SLC9A2: variants seen among roughly 807,000 people sequenced by gnomAD.
SLC9A2 encodes the protein solute carrier family 9 member A2.
In SLC9A2, 42 loss-of-function variants were observed where a neutral mutation model predicts 71.7. That is an observed-to-expected ratio of 0.59 (90% CI 0.46 to 0.76). The LOEUF is 0.76. Ranked by LOEUF, SLC9A2 falls within the 30% of genes least tolerant of loss-of-function variation. The probability of loss-of-function intolerance (pLI) is 0.00; values close to 1 mark genes in which losing one functional copy is unlikely to be tolerated. For missense variants in SLC9A2, 829 were observed against 1,017.4 expected (o/e 0.81, Z 2.52); for synonymous variants, 396 against 392.5 (o/e 1.01, Z -0.10).
At position 102,637,487 on chromosome 2, in the gene SLC9A2, A is replaced by G. The variant is rs576252533; in HGVS notation, c.289+17350A>G. The stretch of plus-strand genomic sequence containing the variant: ...CTGTCCAGTGGGTGTGGTGTGGGTT[A>G]CAGAAAGAATATAATGCAGGCAGTG... On this transcript the variant is annotated intron_variant, in intron 1 of 11. Coordinates refer to ENST00000233969, the MANE Select transcript of SLC9A2 (RefSeq NM_003048.6). Among the ~76,000 whole-genome samples the G allele has an allele frequency of 5.3e-5, 8 of 152,302 alleles. No homozygotes were observed. The South Asian group carries it at 1.5e-3, about 28-fold the overall frequency.
rs1170640763 is a variant in SLC9A2, at chr2:102,664,452, C to CAT, written c.754-647_754-646insTA. ...TATGAAGTTTCAGCAGATGCACACA[C>CAT]ACACACACACACACACACACACACA... On this transcript the variant is annotated intron_variant, in intron 2 of 11. Transcript: ENST00000233969. Among the ~76,000 whole-genome samples, 9 of 148,798 alleles carry CAT rather than the reference C, an allele frequency of 6.0e-5. No individual in the cohort carries two copies. In the East Asian group the frequency reaches 1.6e-3, roughly 26 times the overall value.
intron 3 of SLC9A2, among the ~76,000 whole-genome samples, chr2:102,666,528 A>G (rs1677146432): frequency 6.6e-6 from 1 of 152,190 alleles, no homozygotes; most frequent in African/African-American, 2.4e-5. Context: ...ATGCAGGATT[A>G]TAAAGCAGGA....
intron 1 of SLC9A2, among the ~76,000 whole-genome samples, chr2:102,651,966 GA>G (rs1676844092): frequency 6.6e-6 from 1 of 151,910 alleles, no homozygotes; most frequent in African/African-American, 2.4e-5. Flanking sequence ...TTATATGTAG[GA>G]GTTCTTTTTT....
At chr2:102,675,834 T>A (rs1677337271) in intron 3 of SLC9A2, among the ~76,000 whole-genome samples, 2 of 152,200 alleles carry the variant, frequency 1.3e-5, no homozygotes, top group Non-Finnish European at 2.9e-5. Flanking sequence ...AAATTTCAGC[T>A]TTTTTCTCAT....
intron 1 of SLC9A2, among the ~76,000 whole-genome samples, chr2:102,650,100 A>C (rs921928644): frequency 1.3e-5 from 2 of 152,242 alleles, no homozygotes; most frequent in East Asian, 3.8e-4. Flanking sequence ...CTGGATAAAG[A>C]AAATGTGGCA....
intron 1 of SLC9A2, among the ~76,000 whole-genome samples, chr2:102,640,962 A>T (rs999146033): frequency 6.6e-6 from 1 of 152,224 alleles, no homozygotes; most frequent in African/African-American, 2.4e-5. Context: ...ACTGAATATT[A>T]TAACAGATGC....
At position 102,709,068 on chromosome 2, in the gene SLC9A2, GA is replaced by G. The variant is rs1235654943; in HGVS notation, c.*581del. 1 of 153,318 alleles carries G rather than the reference GA, an allele frequency of 6.5e-6. No homozygotes were observed. Among genetic ancestry groups the G allele is most frequent in the Non-Finnish European group, 1.5e-5 (1 of 68,786 alleles). The allele number at this position is 153,318 out of a possible 1,614,324, so 9.5% of individuals were successfully genotyped here. A position where few individuals can be genotyped will look rare whatever the true frequency, so the allele number is the denominator to read the frequency against. ...ATGACTCAAACTGGGCAAACAATCG[GA>G]ACGTCATGCAGAAGGAATGGCCTGA... On this transcript the variant is annotated 3_prime_UTR_variant, in exon 12 of 12. Coordinates refer to ENST00000233969, the MANE Select transcript of SLC9A2 (RefSeq NM_003048.6).
chr2:102,665,306 G>C lies in SLC9A2; in HGVS notation c.960G>C (p.Leu320Phe). The change falls in exon 3 of 12, where the codon TTG becomes TTC. Residue 320 changes from leucine (L) to phenylalanine (F), a missense_variant. By Grantham distance (22) the Leu-to-Phe change is conservative. Around this residue, in one of 3 missense-constraint regions of SLC9A2, gnomAD observed 500 missense variants for 726.3 expected, o/e 0.69. Coordinates refer to ENST00000233969, the MANE Select transcript of SLC9A2 (RefSeq NM_003048.6). ...EPLFVFLYSY[L>F]SYITAEMFHL... is the part of the protein sequence containing the mutation. ...TGTTTGTTTTCCTGTACAGTTATTT[G>C]TCCTACATCACAGCTGAAATGTTTC... The C allele has an allele frequency of 6.2e-7, 1 of 1,613,912 alleles. No individual in the cohort carries two copies. The highest frequency in any genetic ancestry group is 8.5e-7 in the Non-Finnish European group (1 of 1,179,936).
chr2:102,672,174 A>G (rs1251336569), intron 3 of SLC9A2, among the ~76,000 whole-genome samples: 2 of 152,184 alleles, frequency 1.3e-5, no homozygotes, highest in African/African-American at 4.8e-5. Context: ...TGAGTAGGAA[A>G]AGGATTCTAG....
intron 1 of SLC9A2, among the ~76,000 whole-genome samples, chr2:102,632,637 AG>A (rs1234591513): frequency 6.6e-6 from 1 of 152,144 alleles, no homozygotes; most frequent in Admixed American, 6.6e-5. Flanking sequence ...TGGGTAGGGC[AG>A]GGGAATTCCA....
chr2:102,651,914 A>G (rs528221768), intron 1 of SLC9A2, among the ~76,000 whole-genome samples: 323 of 149,972 alleles, frequency 2.2e-3, no homozygotes, highest in Non-Finnish European at 3.8e-3. Flanking sequence ...ATTATGTGCT[A>G]TCTGCAAAAG....
chr2:102,671,791 G>T (rs1339755987), intron 3 of SLC9A2, among the ~76,000 whole-genome samples: 3 of 152,130 alleles, frequency 2.0e-5, no homozygotes, highest in African/African-American at 7.2e-5. Context: ...AAGTAGAATT[G>T]AGTTGTATTG....
chr2:102,642,380 T>G (rs1319620206), intron 1 of SLC9A2, among the ~76,000 whole-genome samples: 1 of 152,226 alleles, frequency 6.6e-6, no homozygotes, highest in Non-Finnish European at 1.5e-5. Flanking sequence ...TAATCATGAA[T>G]AGATGTTGAA....
At chr2:102,672,043 A>C (rs1054188217) in intron 3 of SLC9A2, among the ~76,000 whole-genome samples, 1 of 152,138 alleles carries the variant, frequency 6.6e-6, no homozygotes, top group Non-Finnish European at 1.5e-5. Flanking sequence ...CGGGAGGCGG[A>C]GGTTGCAGTG....
chr2:102,621,450 C>T (rs1676135093), intron 1 of SLC9A2, among the ~76,000 whole-genome samples: 1 of 151,712 alleles, frequency 6.6e-6, no homozygotes, highest in South Asian at 2.1e-4. Flanking sequence ...TCTTCATTAC[C>T]CACGCCCCAG....
chr2:102,706,325 C>CAAAAAAAAAAAAAAA (rs1321449192), intron 11 of SLC9A2, among the ~76,000 whole-genome samples: 9 of 2,502 alleles, frequency 3.6e-3, no homozygotes, highest in Non-Finnish European at 4.6e-3. Context: ...GACTCCGTCT[C>CAAAAAAAAAAAAAAA]AAAAAAAAAA....
intron 3 of SLC9A2, among the ~76,000 whole-genome samples, chr2:102,678,925 G>A (rs752964268): frequency 2.0e-5 from 3 of 152,300 alleles, no homozygotes; most frequent in Admixed American, 6.5e-5. Context: ...TAGCTCATTT[G>A]TAGTGTGTTT....
At chr2:102,661,060 G>C (rs1233273111) in intron 2 of SLC9A2, among the ~76,000 whole-genome samples, 2 of 152,124 alleles carry the variant, frequency 1.3e-5, no homozygotes, top group African/African-American at 4.8e-5. Flanking sequence ...CTATTGTACA[G>C]GGCTGTAGTA....
chr2:102,635,448 G>A (rs1025374497), intron 1 of SLC9A2, among the ~76,000 whole-genome samples: 11 of 152,192 alleles, frequency 7.2e-5, no homozygotes, highest in Non-Finnish European at 1.3e-4. Context: ...ATACATGCAC[G>A]CCTGTGTGCA....
Sources: gnomAD v4.1 joint callset for allele counts (sites outside exome capture counted in the v4.1 genomes callset) on GRCh38, gnomAD v4.1.1 for gene constraint, gnomAD v4.1.1 regional missense constraint, MANE v1.5 for transcripts, NCBI Gene and HGNC (gene_info 2026-07-23, HGNC 2026-07-21) for gene names.